LENG8: variants seen among roughly 807,000 people sequenced by gnomAD.
The protein encoded by LENG8 is leukocyte receptor cluster member 8, also known as leukocyte receptor cluster (LRC) member 8.
LENG8 carries 28 observed loss-of-function variants against 102.1 expected under a neutral mutation model. That is an observed-to-expected ratio of 0.27 (90% CI 0.20 to 0.38). The LOEUF is 0.38. Among genes scored for constraint, LENG8 ranks in the 10% least tolerant of loss-of-function variants. The pLI is 1.00. For synonymous variants in LENG8, 531 were observed against 456.7 expected (o/e 1.16, Z -2.07); for missense variants, 1,022 against 1,113.9 (o/e 0.92, Z 1.17).
rs1448657628 is a variant in LENG8 at position 54,458,110 on chromosome 19, A to G, written c.1910A>G (p.His637Arg). The change falls in exon 14 of 16, where the codon CAT (histidine) becomes CGT (arginine). Residue 637 changes from histidine (H) to arginine (R), a missense_variant. By Grantham distance (29) the His-to-Arg change is conservative (BLOSUM62 0). This residue lies in a region of LENG8 where 158 missense variants were observed against 229.0 expected (regional missense o/e 0.69). Coordinates refer to ENST00000326764, the MANE Select transcript of LENG8 (RefSeq NM_052925.4). ...GGTGCCTCTGCCTTCCAGGGTGACC[A>G]TGAAGAGTTTAACCAGTGCCAGACG... ...HARIALEKGD[H>R]EEFNQCQTQL... 6.2e-7 allele frequency: 1 copy of G among 1,613,306 alleles called. No homozygotes were observed. Among genetic ancestry groups the G allele is most frequent in the Non-Finnish European group, 8.5e-7 (1 of 1,179,996 alleles).
rs569584702 is a variant in LENG8 at position 54,461,958 on chromosome 19, A to G, written c.*1030A>G. The G allele has an allele frequency of 3.9e-6, 4 of 1,036,548 alleles. 1 individual carries two copies. The South Asian group carries it at 5.3e-5, about 14-fold the overall frequency. The allele number at this position is 1,036,548 out of a possible 1,614,324, so 64.2% of individuals were successfully genotyped here. A position where few individuals can be genotyped will look rare whatever the true frequency, so the allele number is the denominator to read the frequency against. ...TTCCTTCCTTCCTTCCTTTCCTTGGAGCACTGAGCACCATTTGGAAGCTTG... is the reference window on the plus strand; with the variant it reads ...TTCCTTCCTTCCTTCCTTTCCTTGGGGCACTGAGCACCATTTGGAAGCTTG... On this transcript the variant is annotated 3_prime_UTR_variant, in exon 16 of 16. Transcript: ENST00000326764.
chr19:54,458,062 C>T (rs1050894594), intron 13 of LENG8, 41 bp from the exon 14 acceptor site: 1 of 1,612,328 alleles, frequency 6.2e-7, no homozygotes, highest in Non-Finnish European at 8.5e-7. Context: ...GCCCTCAGCA[C>T]CCTCACTCTG....
rs370695771 is a variant in LENG8 at position 54,454,627 on chromosome 19, C to T, written c.624C>T (p.Thr208=). ...PATGQAYGPH[T]YTEPAKPKKG... is the part of the protein sequence containing the mutation. ...CGGGCCAGGCCTATGGGCCACACAC[C>T]TACACCGAACCTGCCAAGCCCAAGA... The change falls in exon 6 of 16, where the codon ACC becomes ACT. Residue 208 remains threonine (T), a synonymous_variant. Transcript: ENST00000326764. 32 of 1,608,894 alleles carry T rather than the reference C, an allele frequency of 2.0e-5. No individual in the cohort carries two copies. Among genetic ancestry groups the T allele is most frequent in the East Asian group, 1.8e-4 (8 of 44,730 alleles).
chr19:54,457,936 G>A lies in LENG8; in HGVS notation c.1836G>A (p.Val612=), dbSNP rs201237559. The change falls in exon 13 of 16, where the codon GTG becomes GTA. Residue 612 remains valine (V), a splice_region_variant and synonymous_variant. Transcript: ENST00000326764. ...TTGTTCTCGCCCCGCTGCCCCAGGT[G>A]CAGGGCATCCGCACCGAGTTCACGG... ...QMKSIRQDLT[V]QGIRTEFTVE... 83 of 1,613,906 alleles carry A rather than the reference G, an allele frequency of 5.1e-5. 1 individual carries two copies. In the African/African-American group the frequency reaches 5.5e-4, roughly 11 times the overall value.
At chr19:54,450,618 CTTT>C (rs750997555) in intron 1 of LENG8, among the ~76,000 whole-genome samples, 7 of 108,806 alleles carry the variant, frequency 6.4e-5, no homozygotes, top group Non-Finnish European at 1.1e-4. Context: ...TACTCCCTAG[CTTT>C]TTTTTTTTTT....
chr19:54,457,643 T>C (rs948688977), intron 11 of LENG8, 104 bp from the exon 12 acceptor site: 8 of 856,092 alleles, frequency 9.3e-6, no homozygotes, highest in African/African-American at 8.4e-5. Context: ...GCCTGGCCTT[T>C]TTTTTCTTTT....
Position 54,460,932 on chromosome 19 carries a change from C to G in LENG8, c.*4C>G. The G allele has an allele frequency of 6.5e-7, 1 of 1,544,968 alleles. No individual in the cohort carries two copies. The highest frequency in any genetic ancestry group is 2.4e-5 in the East Asian group (1 of 41,138). On this transcript the variant is annotated 3_prime_UTR_variant, in exon 16 of 16. Transcript: ENST00000326764. The stretch of plus-strand genomic sequence containing the variant: ...GGCGCAGCTGTCAGCCTTCTGAGCA[C>G]CCAGCGAGGAGGGGCGGGGGCAGGG...
At chr19:54,450,548 C>G (rs935521842) in intron 1 of LENG8, among the ~76,000 whole-genome samples, 1 of 151,870 alleles carries the variant, frequency 6.6e-6, no homozygotes, top group African/African-American at 2.4e-5. Context: ...CTTAAGGGTT[C>G]CCTCAGACTC....
chr19:54,450,580 T>G (rs2083913701), intron 1 of LENG8, among the ~76,000 whole-genome samples: 1 of 150,260 alleles, frequency 6.7e-6, no homozygotes, highest in South Asian at 2.1e-4. Flanking sequence ...GCATCCATCC[T>G]CTTGGTTCAG....
intron 3 of LENG8, 92 bp from the exon 4 acceptor site, chr19:54,452,559 G>C: frequency 9.7e-7 from 1 of 1,035,032 alleles, no homozygotes; most frequent in South Asian, 1.3e-5. Context: ...TCATCCCTTG[G>C]CAATTGGCCA....
At chr19:54,451,211 C>T in intron 1 of LENG8, 79 bp from the exon 2 acceptor site, 1 of 903,208 alleles carries the variant, frequency 1.1e-6, no homozygotes, top group East Asian at 2.4e-5. Context: ...TCTCTTGAGT[C>T]CATCTACTTT....
At chr19:54,454,897 G>A (rs751876370) in intron 6 of LENG8, 54 bp from the exon 7 acceptor site, 189 of 1,608,992 alleles carry the variant, frequency 1.2e-4, no homozygotes, top group Non-Finnish European at 1.5e-4. Flanking sequence ...GTCCCCTGGG[G>A]ACCCCTGGAT....
In LENG8 at chr19:54,460,810, C is replaced by G; in HGVS notation, c.2285C>G (p.Ala762Gly). 6.8e-7 allele frequency: 1 copy of G among 1,475,738 alleles called. No homozygotes were observed. Among genetic ancestry groups the G allele is most frequent in the Non-Finnish European group, 9.1e-7 (1 of 1,097,830 alleles). 91.4% of individuals were successfully genotyped at this position (1,475,738 alleles called of 1,614,324 possible). Residue 762 changes from alanine (A) to glycine (G), a missense_variant, in exon 16 of 16, where the codon GCC becomes GGC. Around this residue, in one of 7 missense-constraint regions of LENG8, gnomAD observed 129 missense variants for 123.0 expected, o/e 1.05. Transcript: ENST00000326764. ...LPVSYLQAEL[A>G]FEGEAACRAF... ...GTCTCCTACCTGCAGGCCGAGCTGG[C>G]CTTCGAGGGCGAGGCCGCCTGCCGG... is the stretch of plus-strand genomic sequence containing the variant.
In LENG8 at chr19:54,456,723, G is replaced by A; in HGVS notation, c.1533G>A (p.Lys511=). 1 of 1,613,002 alleles carries A rather than the reference G, an allele frequency of 6.2e-7. No individual in the cohort carries two copies. The highest frequency in any genetic ancestry group is 8.5e-7 in the Non-Finnish European group (1 of 1,179,680). ...EDPERELKKQ[K]RAARFQHGHS... is the part of the protein sequence containing the mutation. ...CGGAGCGAGAGCTGAAGAAGCAGAA[G>A]CGGGCAGCCCGCTTCCAGCACGGAC... Residue 511 remains lysine (K), a synonymous_variant, in exon 11 of 16, where the codon AAG becomes AAA. Transcript: ENST00000326764.
rs1414666914 is a variant in LENG8 at position 54,455,107 on chromosome 19, C to G, written c.821+15C>G. On this transcript the variant is annotated intron_variant, in intron 7 of 15. Transcript: ENST00000326764. ...CAGAACCACAGGTGACGTCTGCCCC[C>G]TTGCCCCGTCGCAGCCCCACACTCT... The G allele has an allele frequency of 2.5e-6, 4 of 1,613,950 alleles. No individual in the cohort carries two copies. The East Asian group carries it at 8.9e-5, about 36-fold the overall frequency.
intron 11 of LENG8, among the ~76,000 whole-genome samples, 175 bp downstream of exon 11, chr19:54,457,096 G>T (rs1465598046): frequency 1.3e-5 from 2 of 152,264 alleles, no homozygotes; most frequent in Non-Finnish European, 2.9e-5. Context: ...GCGCTCTGCT[G>T]CCCTGGAGCC....
chr19:54,451,277 C>T lies in LENG8; in HGVS notation c.-55-13C>T. The T allele has an allele frequency of 1.9e-6, 3 of 1,541,734 alleles. No individual in the cohort carries two copies. The highest frequency in any genetic ancestry group is 2.7e-6 in the Non-Finnish European group (3 of 1,113,770). ...CCCCCTTAAGTCTCCCTAACTCATT[C>T]TTTTTCTCATAGACAGTGAAAAAGC... On this transcript the variant is annotated splice_polypyrimidine_tract_variant and intron_variant, in intron 1 of 15. Coordinates refer to ENST00000326764, the MANE Select transcript of LENG8 (RefSeq NM_052925.4).
At chr19:54,450,108 C>T (rs190068982) in intron 1 of LENG8, among the ~76,000 whole-genome samples, 1 of 152,210 alleles carries the variant, frequency 6.6e-6, no homozygotes, top group Non-Finnish European at 1.5e-5. Flanking sequence ...TTCCAATTCT[C>T]TCTGTACCCC....
chr19:54,456,584 G>T, intron 10 of LENG8, 52 bp from the exon 11 acceptor site: 1 of 1,560,040 alleles, frequency 6.4e-7, no homozygotes, highest in South Asian at 1.2e-5. Context: ...GGGCGAGGCT[G>T]AAGGGGGGCT....
Sources: gnomAD v4.1 joint callset for allele counts (sites outside exome capture counted in the v4.1 genomes callset) on GRCh38, gnomAD v4.1.1 for gene constraint, gnomAD v4.1.1 regional missense constraint, MANE v1.5 for transcripts, NCBI Gene and HGNC (gene_info 2026-07-23, HGNC 2026-07-21) for gene names.